Variants in FHL2 observed in about 807,000 individuals in gnomAD.
FHL2 encodes the protein four and a half LIM domains protein 2.
In FHL2, 20 loss-of-function variants were observed where a neutral mutation model predicts 32.7. The observed-to-expected ratio is 0.61, with a 90% CI of 0.43 to 0.89. The LOEUF (loss-of-function observed/expected upper bound fraction) is 0.89. Among genes scored for constraint, FHL2 ranks in the 40% least tolerant of loss-of-function variants. The probability of loss-of-function intolerance (pLI) is 0.00; values close to 1 mark genes in which losing one functional copy is unlikely to be tolerated. For missense variants in FHL2, 311 were observed against 358.6 expected (o/e 0.87, Z 1.07); for synonymous variants, 123 against 128.1 (o/e 0.96, Z 0.27).
At chr2:105,428,717 G>A (rs1684335746) in intron 1 of FHL2, among the ~76,000 whole-genome samples, 1 of 152,192 alleles carries the variant, frequency 6.6e-6, no homozygotes, top group Non-Finnish European at 1.5e-5. Context: ...GGTCACCTGT[G>A]TGCCCGGACC....
intron 1 of FHL2, among the ~76,000 whole-genome samples, chr2:105,419,212 T>C (rs925243061): frequency 6.6e-6 from 1 of 151,996 alleles, no homozygotes; most frequent in Non-Finnish European, 1.5e-5. Context: ...TTTTAAAAAA[T>C]TTTTTTATTT....
In FHL2 at chr2:105,386,231, G is replaced by C. The variant is rs995993095; in HGVS notation, c.156+130C>G. ...AGAAGCTTCCGAAAGGCTACACGCA[G>C]GGTCCACGCCCCTCAGAGGGGGCTC... On this transcript the variant is annotated intron_variant, in intron 3 of 6. Coordinates refer to ENST00000530340, the MANE Select transcript of FHL2 (RefSeq NM_001318895.3). The C allele has an allele frequency of 8.1e-6, 8 of 987,778 alleles. No individual in the cohort carries two copies. The Admixed American group carries it at 2.0e-4, about 24-fold the overall frequency. The allele number at this position is 987,778 out of a possible 1,614,324, so 61.2% of individuals were successfully genotyped here.
At chr2:105,430,872 C>T (rs1330116579) in intron 1 of FHL2, among the ~76,000 whole-genome samples, 1 of 152,204 alleles carries the variant, frequency 6.6e-6, no homozygotes, top group Non-Finnish European at 1.5e-5. Flanking sequence ...TGGGGTTCCC[C>T]ACTAAGTCTG....
At chr2:105,413,458 T>A (rs1683851610) in intron 1 of FHL2, among the ~76,000 whole-genome samples, 1 of 151,928 alleles carries the variant, frequency 6.6e-6, no homozygotes, top group Non-Finnish European at 1.5e-5. Context: ...CACAGAACTT[T>A]GTAAGATATC....
intron 1 of FHL2, among the ~76,000 whole-genome samples, chr2:105,434,010 G>A (rs2104687052): frequency 6.6e-6 from 1 of 152,110 alleles, no homozygotes; most frequent in South Asian, 2.1e-4. Flanking sequence ...TACCTTCAAA[G>A]GAATCCTATC....
intron 1 of FHL2, among the ~76,000 whole-genome samples, chr2:105,405,493 C>T (rs1683600586): frequency 6.6e-6 from 1 of 152,198 alleles, no homozygotes. Flanking sequence ...TCACTGTAAA[C>T]TCTGCCTTCC....
intron 1 of FHL2, among the ~76,000 whole-genome samples, chr2:105,426,598 C>T (rs1052176636): frequency 6.6e-6 from 1 of 152,212 alleles, no homozygotes; most frequent in Non-Finnish European, 1.5e-5. Context: ...ACTCCTGCAC[C>T]TACCTTCTGC....
Position 105,367,568 on chromosome 2 carries a change from A to G in FHL2, c.501+2T>C. The G allele has an allele frequency of 6.2e-7, 1 of 1,609,954 alleles. No individual in the cohort carries two copies. Among genetic ancestry groups the G allele is most frequent in the Non-Finnish European group, 8.5e-7 (1 of 1,177,220 alleles). ...CAAGGGCCAAGGGGGCATCTGAGAT[A>G]CCTTTTTGCACTGAACGCACTGCAT... On this transcript the variant is annotated splice_donor_variant, in intron 5 of 6. Transcript: ENST00000530340. LOFTEE classifies it high-confidence loss of function.
At chr2:105,430,522 G>T (rs1328082656) in intron 1 of FHL2, among the ~76,000 whole-genome samples, 1 of 152,144 alleles carries the variant, frequency 6.6e-6, no homozygotes, top group Non-Finnish European at 1.5e-5. Flanking sequence ...CAAAAAATTA[G>T]CTGGGTGTGG....
chr2:105,399,580 A>T (rs1484067130), upstream of FHL2: 2 of 1,535,768 alleles, frequency 1.3e-6, no homozygotes, highest in Admixed American at 3.9e-5. Context: ...AGGGGACTAA[A>T]GGAAGGTCCT....
intron 3 of FHL2, chr2:105,375,430 G>C: frequency 6.6e-6 from 1 of 152,230 alleles, no homozygotes; most frequent in East Asian, 1.9e-4. Flanking sequence ...GAGAGGTCAG[G>C]AGTTCAAGAC....
At chr2:105,404,856 T>C (rs1419360127) in intron 1 of FHL2, among the ~76,000 whole-genome samples, 1 of 152,240 alleles carries the variant, frequency 6.6e-6, no homozygotes, top group African/African-American at 2.4e-5. Flanking sequence ...TTGTTGGATA[T>C]AAATAATCAG....
In FHL2 at chr2:105,361,549, A is replaced by G. The variant is rs564693249; in HGVS notation, c.689-115T>C. ...AAGTTTGGATTGTGTAATATGGATA[A>G]TGTGAATTTCTAGTGACTGGGTGTT... On this transcript the variant is annotated intron_variant, in intron 6 of 6. Transcript: ENST00000530340. 156 of 873,214 alleles carry G rather than the reference A, an allele frequency of 1.8e-4. 1 individual carries two copies. Among genetic ancestry groups the G allele is most frequent in the Middle Eastern group, 1.3e-3 (4 of 3,006 alleles). The allele number at this position is 873,214 out of a possible 1,614,324, so 54.1% of individuals were successfully genotyped here.
Position 105,367,725 on chromosome 2 carries a change from C to G in FHL2, c.346G>C (p.Glu116Gln). 6.2e-7 allele frequency: 1 copy of G among 1,613,832 alleles called. No homozygotes were observed. Among genetic ancestry groups the G allele is most frequent in the Non-Finnish European group, 8.5e-7 (1 of 1,179,852 alleles). ...TCATGCCAGCTGCTGCCCTTGTACT[C>G]CATCTTGCGGGTACCTGTCATCAGG... ...KTIMPGTRKM[E>Q]YKGSSWHETC... Residue 116 changes from glutamate (E) to glutamine (Q), a missense_variant, in exon 5 of 7, where the codon GAG becomes CAG. Physicochemically the swap from Glu to Gln is conservative, Grantham distance 29 (BLOSUM62 2). Coordinates refer to ENST00000530340, the MANE Select transcript of FHL2 (RefSeq NM_001318895.3).
upstream of FHL2, among the ~76,000 whole-genome samples, chr2:105,401,114 C>A (rs1573382420): frequency 7.9e-6 from 1 of 126,218 alleles, no homozygotes. Context: ...AAAGAATAAA[C>A]TAGTAGAAAA....
At chr2:105,409,350 G>C (rs1296915924) in intron 1 of FHL2, among the ~76,000 whole-genome samples, 1 of 152,192 alleles carries the variant, frequency 6.6e-6, no homozygotes, top group Non-Finnish European at 1.5e-5. Flanking sequence ...TCATTTTAGA[G>C]GAAGAAGCTG....
upstream of FHL2, chr2:105,399,549 G>T (rs535377201): frequency 1.7e-5 from 26 of 1,536,042 alleles, no homozygotes; most frequent in South Asian, 2.3e-4. Context: ...TGACCATAAA[G>T]AATCCTTCGT....
At chr2:105,435,659 TA>T (rs1460489442) in intron 1 of FHL2, among the ~76,000 whole-genome samples, 1 of 151,864 alleles carries the variant, frequency 6.6e-6, no homozygotes, top group African/African-American at 2.4e-5. Context: ...CTGTCTTCAC[TA>T]AAAAAACAAA....
chr2:105,386,553 AAAG>A lies in FHL2; in HGVS notation c.-24-16_-24-14del, dbSNP rs773394871. The A allele has an allele frequency of 6.2e-7, 1 of 1,613,588 alleles. No individual in the cohort carries two copies. Among genetic ancestry groups the A allele is most frequent in the Non-Finnish European group, 8.5e-7 (1 of 1,179,884 alleles). On this transcript the variant is annotated splice_polypyrimidine_tract_variant and intron_variant, in intron 2 of 6. Coordinates refer to ENST00000530340, the MANE Select transcript of FHL2 (RefSeq NM_001318895.3). ...GCTTTTCAGCAACCTATCAAAAAGA[AAAG>A]AAAATCCAAGTCCCATTAAGCACTC...
Sources: allele counts gnomAD v4.1 joint callset (sites outside exome capture counted in the v4.1 genomes callset), GRCh38; gene constraint gnomAD v4.1.1; transcripts MANE v1.5; gene names NCBI Gene and HGNC (gene_info 2026-07-23, HGNC 2026-07-21).